The following DPP10 variants were observed in gnomAD, a reference collection of about 807,000 sequenced individuals.
The protein encoded by DPP10 is inactive dipeptidyl peptidase 10.
In DPP10, 33 loss-of-function variants were observed where a neutral mutation model predicts 120.9. The observed-to-expected ratio is 0.27, with a 90% CI of 0.21 to 0.37. The LOEUF (loss-of-function observed/expected upper bound fraction) is 0.37, where lower values mean the gene tolerates loss of function less well. DPP10 is among the 10% of genes least tolerant of loss of function. The pLI is 1.00. For missense variants in DPP10, 816 were observed against 942.8 expected (o/e 0.87, Z 1.76); for synonymous variants, 337 against 326.1 (o/e 1.03, Z -0.36).
At chr2:114,977,560 G>A (rs1699829576) in intron 1 of DPP10, among the ~76,000 whole-genome samples, 1 of 152,066 alleles carries the variant, frequency 6.6e-6, no homozygotes, top group Admixed American at 6.6e-5. Flanking sequence ...TTGTACTAGA[G>A]CCAGCTCTCC....
chr2:114,746,964 G>A (rs1469810223), intron 1 of DPP10, among the ~76,000 whole-genome samples: 2 of 152,046 alleles, frequency 1.3e-5, no homozygotes, highest in Non-Finnish European at 2.9e-5. Context: ...ACTTCCCTAG[G>A]CTAGTCACTA....
chr2:115,435,051 C>CATATATATAT (rs58828924), intron 3 of DPP10, among the ~76,000 whole-genome samples: 125 of 148,188 alleles, frequency 8.4e-4, no homozygotes, highest in East Asian at 4.7e-3. Flanking sequence ...CACATGCACA[C>CATATATATAT]ATATATATAT....
intron 1 of DPP10, 38 bp from the exon 2 acceptor site, chr2:115,309,201 C>T (rs1469794831): frequency 1.3e-6 from 2 of 1,503,824 alleles, no homozygotes; most frequent in African/African-American, 1.4e-5. Context: ...TCTCTTGGAG[C>T]ATGAATAATT....
chr2:115,684,955 A>G lies in DPP10; in HGVS notation c.442-4732A>G, dbSNP rs544386899. Among the ~76,000 whole-genome samples the G allele has an allele frequency of 3.9e-3, 597 of 152,020 alleles. 5 individuals are homozygous for G. The highest frequency in any genetic ancestry group is 0.013 in the African/African-American group (556 of 41,538). ...TCTTTTGGAAATGAATCATTTGCAAAGGTAGAGTCGTGCTTCATGTACTAG... is the reference window on the plus strand; with the variant it reads ...TCTTTTGGAAATGAATCATTTGCAAGGGTAGAGTCGTGCTTCATGTACTAG... On this transcript the variant is annotated intron_variant, in intron 5 of 25. Transcript: ENST00000410059.
intron 1 of DPP10, among the ~76,000 whole-genome samples, chr2:114,738,805 A>T (rs920165848): frequency 2.0e-5 from 3 of 152,180 alleles, no homozygotes; most frequent in African/African-American, 7.2e-5. Context: ...GATGGGGACA[A>T]AGACCTAAAG....
At chr2:115,779,563 C>T (rs1682506183) in intron 15 of DPP10, among the ~76,000 whole-genome samples, 1 of 151,932 alleles carries the variant, frequency 6.6e-6, no homozygotes, top group Non-Finnish European at 1.5e-5. Context: ...CATAAATCTC[C>T]AGGGAGCTTG....
chr2:115,348,943 G>A (rs2063851825), intron 3 of DPP10, among the ~76,000 whole-genome samples: 1 of 152,012 alleles, frequency 6.6e-6, no homozygotes, highest in South Asian at 2.1e-4. Context: ...CTGGACCAGT[G>A]GTCAACCCTT....
intron 1 of DPP10, among the ~76,000 whole-genome samples, chr2:114,568,506 T>A (rs1689383729): frequency 6.6e-6 from 1 of 152,162 alleles, no homozygotes; most frequent in African/African-American, 2.4e-5. Context: ...CCACAACAAT[T>A]TGTGGCTCTA....
At chr2:114,643,931 A>ATTT (rs1313618696) in intron 1 of DPP10, among the ~76,000 whole-genome samples, 2 of 129,394 alleles carry the variant, frequency 1.5e-5, no homozygotes, top group African/African-American at 6.4e-5. Flanking sequence ...ATATATATAT[A>ATTT]TATATTTTTT....
intron 2 of DPP10, among the ~76,000 whole-genome samples, chr2:115,340,035 A>C (rs1302259020): frequency 6.6e-6 from 1 of 152,218 alleles, no homozygotes; most frequent in Non-Finnish European, 1.5e-5. Context: ...TGTCATTGAG[A>C]GAAACTGAAT....
At chr2:115,597,437 A>G (rs1268164649) in intron 5 of DPP10, among the ~76,000 whole-genome samples, 2 of 152,072 alleles carry the variant, frequency 1.3e-5, no homozygotes, top group African/African-American at 4.8e-5. Context: ...AAACGTAAGT[A>G]CCATGTACAT....
intron 3 of DPP10, among the ~76,000 whole-genome samples, chr2:115,352,993 T>C (rs2064135830): frequency 1.3e-5 from 2 of 151,830 alleles, no homozygotes; most frequent in East Asian, 3.9e-4. Context: ...AATATATACA[T>C]GTACCACTGA....
rs10175829 is a variant in DPP10 at position 114,926,225 on chromosome 2, A to G, written c.61-383014A>G. Among the ~76,000 whole-genome samples the G allele has an allele frequency of 4.1e-3, 618 of 152,304 alleles. 1 individual carries two copies. The highest frequency in any genetic ancestry group is 0.015 in the African/African-American group (605 of 41,576). On this transcript the variant is annotated intron_variant, in intron 1 of 25. Transcript: ENST00000410059. ...GGGACTCTTCTGCAAAGAAGACGGAATTTAAGGTAACTTCTTCACTTGGTG... is the reference window on the plus strand; with the variant it reads ...GGGACTCTTCTGCAAAGAAGACGGAGTTTAAGGTAACTTCTTCACTTGGTG...
intron 3 of DPP10, among the ~76,000 whole-genome samples, chr2:115,385,851 G>A (rs1414707077): frequency 2.6e-5 from 4 of 152,172 alleles, no homozygotes; most frequent in Middle Eastern, 3.4e-3. Context: ...CTTATCATGG[G>A]TGAGGAAAGG....
chr2:114,573,167 G>C (rs1410884133), intron 1 of DPP10, among the ~76,000 whole-genome samples: 1 of 152,128 alleles, frequency 6.6e-6, no homozygotes, highest in Admixed American at 6.5e-5. Flanking sequence ...AGTTTTTGTA[G>C]AGACAGCATC....
intron 4 of DPP10, among the ~76,000 whole-genome samples, chr2:115,524,811 T>A (rs187966232): frequency 6.6e-6 from 1 of 152,216 alleles, no homozygotes; most frequent in East Asian, 1.9e-4. Flanking sequence ...ACAAAAGACA[T>A]TTCTATCATT....
intron 3 of DPP10, among the ~76,000 whole-genome samples, chr2:115,452,578 C>T (rs954805054): frequency 2.0e-5 from 3 of 151,954 alleles, no homozygotes; most frequent in Non-Finnish European, 2.9e-5. Context: ...TGCAAGGTAT[C>T]TGTGCCTGCT....
intron 1 of DPP10, among the ~76,000 whole-genome samples, chr2:114,996,287 C>A (rs1701076279): frequency 6.6e-6 from 1 of 152,152 alleles, no homozygotes; most frequent in Admixed American, 6.5e-5. Context: ...ATCTCTCTAC[C>A]TGTAAATCAC....
chr2:115,563,234 A>T (rs2080799496), intron 5 of DPP10, among the ~76,000 whole-genome samples: 1 of 151,918 alleles, frequency 6.6e-6, no homozygotes. Flanking sequence ...CCTAACCCTG[A>T]CTCATGGTAG....
Sources: allele counts gnomAD v4.1 joint callset (sites outside exome capture counted in the v4.1 genomes callset), GRCh38; gene constraint gnomAD v4.1.1; transcripts MANE v1.5; gene names NCBI Gene and HGNC (gene_info 2026-07-23, HGNC 2026-07-21).